FRMPD4: variants seen among roughly 807,000 people sequenced by gnomAD.
The protein encoded by FRMPD4 is FERM and PDZ domain containing 4.
A neutral mutation model predicts 94.1 loss-of-function variants in FRMPD4; 22 were observed. The observed-to-expected ratio is 0.23, with a 90% confidence interval of 0.17 to 0.33. The LOEUF (loss-of-function observed/expected upper bound fraction) is 0.33, where lower values mean the gene tolerates loss of function less well. Ranked by LOEUF, FRMPD4 falls within the 10% of genes least tolerant of loss-of-function variation. FRMPD4 has a pLI of 1.00. For synonymous variants in FRMPD4, 631 were observed against 548.6 expected (o/e 1.15, Z -2.10); for missense variants, 1,111 against 1,339.9 (o/e 0.83, Z 2.67).
Position 12,716,466 on chromosome X carries a change from T to C in FRMPD4, c.2007T>C (p.Leu669=), listed in dbSNP as rs67823099. The change falls in exon 15 of 17, where the codon CTT becomes CTC. Residue 669 remains leucine (L), a synonymous_variant. Transcript: ENST00000675598. ...ATGATGGTATTAGTCCCCCAACCCT[T>C]GGCTATGAAACGCTACTAGATGAGG... ...ALDDGISPPT[L]GYETLLDEGP... is the part of the protein sequence containing the mutation. The C allele has an allele frequency of 0.018, 21,853 of 1,207,502 alleles. 1,811 individuals carry two copies. In the African/African-American group the frequency reaches 0.28, roughly 15 times the overall value.
chrX:11,857,276 C>A (rs1317689723), intron 1 of FRMPD4, among the ~76,000 whole-genome samples: 1 of 111,470 alleles, frequency 9.0e-6, no homozygotes, highest in Non-Finnish European at 1.9e-5. Context: ...AAGAACAAAG[C>A]TGGAAGCATC....
chrX:12,119,407 C>T (rs1030315029), intron 3 of FRMPD4, among the ~76,000 whole-genome samples: 4 of 111,950 alleles, frequency 3.6e-5, no homozygotes, highest in Non-Finnish European at 7.5e-5. Context: ...GATATGTCAT[C>T]AATATGAAAT....
chrX:12,357,761 T>C (rs2055916683), intron 1 of FRMPD4, among the ~76,000 whole-genome samples: 1 of 112,287 alleles, frequency 8.9e-6, no homozygotes, highest in Non-Finnish European at 1.9e-5. Flanking sequence ...TTAAACAACT[T>C]TATTAAGGTA....
chrX:12,593,215 C>G (rs1362382996), intron 2 of FRMPD4, among the ~76,000 whole-genome samples: 1 of 112,163 alleles, frequency 8.9e-6, no homozygotes, highest in African/African-American at 3.2e-5. Flanking sequence ...TGTCTTTATT[C>G]TGACCCCTCA....
chrX:12,607,004 T>C (rs2059137348), intron 2 of FRMPD4, among the ~76,000 whole-genome samples: 1 of 111,304 alleles, frequency 9.0e-6, no homozygotes, highest in Non-Finnish European at 1.9e-5. Context: ...GAAGGTCAAG[T>C]TCCCACCCAT....
intron 3 of FRMPD4, among the ~76,000 whole-genome samples, chrX:11,929,477 T>A (rs1346549799): frequency 8.9e-6 from 1 of 112,465 alleles, no homozygotes; most frequent in Non-Finnish European, 1.9e-5. Context: ...GATACACATC[T>A]GTTTTAACAA....
At chrX:12,007,680 C>G (rs1291898924) in intron 3 of FRMPD4, among the ~76,000 whole-genome samples, 2 of 112,052 alleles carry the variant, frequency 1.8e-5, no homozygotes, top group Non-Finnish European at 3.8e-5. Context: ...CAGTGATTAG[C>G]TAGGTAACAT....
At chrX:12,251,058 G>A (rs1037834472) in intron 1 of FRMPD4, among the ~76,000 whole-genome samples, 2 of 112,303 alleles carry the variant, frequency 1.8e-5, no homozygotes, top group Non-Finnish European at 3.8e-5. Context: ...CAAATGGAAT[G>A]TAAAAATGTG....
chrX:12,451,086 A>G (rs979889500), intron 1 of FRMPD4, among the ~76,000 whole-genome samples: 19 of 110,995 alleles, frequency 1.7e-4, no homozygotes, highest in African/African-American at 6.2e-4. Context: ...TGGCAAGCAG[A>G]TATCTGCCTT....
intron 1 of FRMPD4, among the ~76,000 whole-genome samples, chrX:12,214,810 A>C (rs1291364220): frequency 8.9e-6 from 1 of 112,423 alleles, no homozygotes; most frequent in Non-Finnish European, 1.9e-5. Flanking sequence ...GAAAATGCTT[A>C]ATAGATCATG....
In FRMPD4 at chrX:12,174,976, A is replaced by G. The variant is rs774464150; in HGVS notation, c.41+35964A>G. 6.2e-5 allele frequency among the ~76,000 whole-genome samples: 7 copies of G among 112,464 alleles called. No individual in the cohort carries two copies. The East Asian group carries it at 1.9e-3, about 31-fold the overall frequency. ...AAGCTGCATGTACCTTTATGATGGC[A>G]CAGTTACACGACCTTGCCTTGATTT... On this transcript the variant is annotated intron_variant, in intron 1 of 16. Transcript: ENST00000675598.
chrX:12,256,372 C>A (rs60555196), intron 1 of FRMPD4, among the ~76,000 whole-genome samples: 2 of 111,906 alleles, frequency 1.8e-5, no homozygotes, highest in African/African-American at 3.3e-5. Flanking sequence ...GGAACCTATG[C>A]CCCAAGAATC....
chrX:12,426,885 T>G (rs867551168), intron 1 of FRMPD4, among the ~76,000 whole-genome samples: 2 of 53,441 alleles, frequency 3.7e-5, no homozygotes, highest in Admixed American at 4.4e-4. Flanking sequence ...AGTTTTTTTT[T>G]GTTTTTTTTT....
At chrX:11,904,072 T>C (rs932307364) in intron 3 of FRMPD4, among the ~76,000 whole-genome samples, 5 of 111,990 alleles carry the variant, frequency 4.5e-5, no homozygotes, top group African/African-American at 1.6e-4. Context: ...TGAGCCACCA[T>C]GCCTGGCCTG....
At chrX:12,262,003 C>T (rs200976045) in intron 1 of FRMPD4, among the ~76,000 whole-genome samples, 1 of 111,828 alleles carries the variant, frequency 8.9e-6, no homozygotes, top group East Asian at 2.8e-4. Context: ...GGTTGTTACT[C>T]ATATGAATGA....
chrX:12,175,305 C>T (rs1487908115), intron 1 of FRMPD4, among the ~76,000 whole-genome samples: 1 of 111,646 alleles, frequency 9.0e-6, no homozygotes, highest in African/African-American at 3.3e-5. Context: ...AGCTAAATTT[C>T]TAGTATTGTG....
chrX:12,506,522 C>T (rs759786057), intron 2 of FRMPD4, among the ~76,000 whole-genome samples: 4 of 111,705 alleles, frequency 3.6e-5, no homozygotes, highest in Non-Finnish European at 5.6e-5. Flanking sequence ...CTCTTGACCT[C>T]GTGATCTGCC....
chrX:12,396,961 A>G (rs2056549353), intron 1 of FRMPD4, among the ~76,000 whole-genome samples: 1 of 111,895 alleles, frequency 8.9e-6, no homozygotes, highest in South Asian at 3.8e-4. Context: ...GATGATGTTC[A>G]TAAACTGATC....
chrX:12,542,859 C>CA (rs2058431753), intron 2 of FRMPD4, among the ~76,000 whole-genome samples: 1 of 112,023 alleles, frequency 8.9e-6, no homozygotes, highest in Non-Finnish European at 1.9e-5. Context: ...CTACAGTAAC[C>CA]AAAACAGCAT....
Sources: allele counts gnomAD v4.1 joint callset (sites outside exome capture counted in the v4.1 genomes callset), GRCh38; gene constraint gnomAD v4.1.1; transcripts MANE v1.5; gene names NCBI Gene and HGNC (gene_info 2026-07-23, HGNC 2026-07-21).